The following SHISA9 variants were observed in gnomAD, a reference collection of about 807,000 sequenced individuals.
The protein encoded by SHISA9 is shisa family member 9, also known as protein shisa-9.
Under a neutral mutation model 38.0 loss-of-function variants are expected in SHISA9, and 13 were observed. The ratio of observed to expected loss-of-function variants is 0.34; its 90% confidence interval spans 0.22 to 0.54. The LOEUF is 0.54. Ranked by LOEUF, SHISA9 falls within the 20% of genes least tolerant of loss-of-function variation. The pLI is 0.91. For synonymous variants in SHISA9, 275 were observed against 242.0 expected (o/e 1.14, Z -1.27); for missense variants, 538 against 575.8 (o/e 0.93, Z 0.67).
intron 2 of SHISA9, among the ~76,000 whole-genome samples, chr16:13,198,059 C>T (rs979973303): frequency 6.6e-6 from 1 of 152,070 alleles, no homozygotes; most frequent in Non-Finnish European, 1.5e-5. Flanking sequence ...GTGGCACATG[C>T]CTGTAATCCC....
chr16:13,463,595 T>C, the SHISA9 span, among the ~76,000 whole-genome samples: 1 of 152,124 alleles, frequency 6.6e-6, no homozygotes, highest in Non-Finnish European at 1.5e-5. Flanking sequence ...AAGGAAAAAA[T>C]AGCATTTGTA....
At chr16:13,498,992 T>A in the SHISA9 span, among the ~76,000 whole-genome samples, 320 of 152,240 alleles carry the variant, frequency 2.1e-3, 1 homozygote, top group African/African-American at 7.4e-3. Context: ...ATGGGTCTGT[T>A]CTCCAGACAT....
At chr16:13,534,224 CTTTTT>C in the SHISA9 span, among the ~76,000 whole-genome samples, 2 of 125,822 alleles carry the variant, frequency 1.6e-5, no homozygotes, top group Non-Finnish European at 3.3e-5. Context: ...CACCATTTCA[CTTTTT>C]TTTTTTTTTT....
At chr16:13,225,899 C>A (rs534429540) in intron 4 of SHISA9, among the ~76,000 whole-genome samples, 2 of 152,176 alleles carry the variant, frequency 1.3e-5, no homozygotes, top group Non-Finnish European at 2.9e-5. Flanking sequence ...AAGGAAAGCA[C>A]CTTTTCCTTT....
rs147654966 is a variant in SHISA9 at position 12,918,008 on chromosome 16, T to C, written c.691+1193T>C. On this transcript the variant is annotated intron_variant, in intron 2 of 4. Transcript: ENST00000558583. ...TCATGGTTTGGAAATTGTTGCAGTG[T>C]GTTAGTAAAGTCAATGTTTGCATGG... 3.3e-5 allele frequency among the ~76,000 whole-genome samples: 5 copies of C among 152,336 alleles called. No homozygotes were observed. In the East Asian group the frequency reaches 7.7e-4, roughly 23 times the overall value.
the SHISA9 span, among the ~76,000 whole-genome samples, chr16:13,379,689 C>A: frequency 6.6e-6 from 1 of 152,204 alleles, no homozygotes; most frequent in African/African-American, 2.4e-5. Flanking sequence ...TCGAATTCCT[C>A]CGCGGTGGGC....
chr16:13,444,435 GGA>G, the SHISA9 span, among the ~76,000 whole-genome samples: 2 of 150,958 alleles, frequency 1.3e-5, no homozygotes, highest in African/African-American at 2.4e-5. Flanking sequence ...AAGGAAGGAA[GGA>G]AGGGAGGAAA....
intron 2 of SHISA9, among the ~76,000 whole-genome samples, chr16:13,018,012 C>T (rs1346090758): frequency 2.0e-5 from 3 of 152,176 alleles, no homozygotes; most frequent in Non-Finnish European, 4.4e-5. Context: ...TGGCTTTCTT[C>T]CTTATAACAA....
At chr16:13,225,334 G>A (rs753503720) in intron 4 of SHISA9, among the ~76,000 whole-genome samples, 11 of 152,224 alleles carry the variant, frequency 7.2e-5, no homozygotes, top group Non-Finnish European at 1.3e-4. Flanking sequence ...TCAAGTTTGT[G>A]GTACTTTGTG....
At chr16:13,022,422 C>T (rs753749801) in intron 2 of SHISA9, among the ~76,000 whole-genome samples, 47 of 152,134 alleles carry the variant, frequency 3.1e-4, no homozygotes, top group Non-Finnish European at 5.7e-4. Context: ...ACCTCTGCCT[C>T]CCGGGTTCAC....
At chr16:13,278,863 C>A in the SHISA9 span, among the ~76,000 whole-genome samples, 1 of 151,920 alleles carries the variant, frequency 6.6e-6, no homozygotes, top group African/African-American at 2.4e-5. Flanking sequence ...TTTCAAAGAA[C>A]AAGATTTTTG....
At chr16:13,313,271 A>AAAAAAAAC in the SHISA9 span, among the ~76,000 whole-genome samples, 1 of 151,704 alleles carries the variant, frequency 6.6e-6, no homozygotes, top group African/African-American at 2.4e-5. Flanking sequence ...AAAAAAAAAA[A>AAAAAAAAC]ACCCAGTTTT....
the SHISA9 span, among the ~76,000 whole-genome samples, chr16:13,438,529 G>A: frequency 6.6e-6 from 1 of 152,202 alleles, no homozygotes; most frequent in Non-Finnish European, 1.5e-5. Flanking sequence ...TAAAGAAAAG[G>A]AGAGAGCATA....
the SHISA9 span, among the ~76,000 whole-genome samples, chr16:13,401,050 C>G: frequency 1.3e-5 from 2 of 152,258 alleles, no homozygotes; most frequent in East Asian, 3.9e-4. Flanking sequence ...TTTTTCCAAG[C>G]CCACCCACAG....
At chr16:13,282,081 T>C in the SHISA9 span, among the ~76,000 whole-genome samples, 1 of 151,950 alleles carries the variant, frequency 6.6e-6, no homozygotes, top group African/African-American at 2.4e-5. Flanking sequence ...TTATTTACCA[T>C]TTACAGTGCT....
chr16:13,476,320 T>A, the SHISA9 span, among the ~76,000 whole-genome samples: 2 of 152,136 alleles, frequency 1.3e-5, no homozygotes, highest in Non-Finnish European at 2.9e-5. Context: ...CCCTCCCAAG[T>A]TACATTTCCT....
At chr16:13,472,312 A>C in the SHISA9 span, among the ~76,000 whole-genome samples, 2 of 150,872 alleles carry the variant, frequency 1.3e-5, no homozygotes, top group Admixed American at 1.3e-4. Flanking sequence ...TGGGGAATCC[A>C]ATTAAGCATA....
At chr16:13,128,566 G>A (rs1161493515) in intron 2 of SHISA9, among the ~76,000 whole-genome samples, 1 of 152,064 alleles carries the variant, frequency 6.6e-6, no homozygotes, top group Non-Finnish European at 1.5e-5. Context: ...CTGAGATGGG[G>A]CATATAACAC....
intron 2 of SHISA9, among the ~76,000 whole-genome samples, chr16:12,978,024 G>T (rs1046345447): frequency 5.9e-5 from 9 of 151,494 alleles, no homozygotes; most frequent in Non-Finnish European, 1.2e-4. Flanking sequence ...GAAGTGAAGT[G>T]GGTGAATAAA....
Sources: allele counts gnomAD v4.1 joint callset (sites outside exome capture counted in the v4.1 genomes callset), GRCh38; gene constraint gnomAD v4.1.1; transcripts MANE v1.5; gene names NCBI Gene and HGNC (gene_info 2026-07-23, HGNC 2026-07-21).